The following OCA2 variants were observed in gnomAD, a reference collection of about 807,000 sequenced individuals.
The protein encoded by OCA2 is P protein.
Under a neutral mutation model 100.2 loss-of-function variants are expected in OCA2, and 77 were observed. The observed-to-expected ratio is 0.77, with a 90% CI of 0.64 to 0.93. The LOEUF (loss-of-function observed/expected upper bound fraction) is 0.93, where lower values mean the gene tolerates loss of function less well. Among genes scored for constraint, OCA2 ranks in the 40% least tolerant of loss-of-function variants. The pLI, the probability that OCA2 is intolerant of heterozygous loss-of-function variation, is 0.00. For missense variants in OCA2, 1,062 were observed against 1,089.1 expected (o/e 0.98, Z 0.35); for synonymous variants, 432 against 439.2 (o/e 0.98, Z 0.21).
chr15:27,914,459 A>C (rs539006702), intron 19 of OCA2, among the ~76,000 whole-genome samples: 1 of 152,312 alleles, frequency 6.6e-6, no homozygotes, highest in African/African-American at 2.4e-5. Flanking sequence ...ATACCTAGAA[A>C]ACCCCATAGT....
In OCA2 at chr15:27,935,395, A is replaced by G. The variant is rs192544701; in HGVS notation, c.1952-9141T>C. On this transcript the variant is annotated intron_variant, in intron 18 of 23. Coordinates refer to ENST00000354638, the MANE Select transcript of OCA2 (RefSeq NM_000275.3). The stretch of plus-strand genomic sequence containing the variant: ...GTGTCTCCAACAGAGTCAAGTTTCT[A>G]TGCCGAACAAATAGCTAAAGGAGCC... Among the ~76,000 whole-genome samples the G allele has an allele frequency of 1.4e-3, 207 of 152,304 alleles. 1 individual carries two copies. Among genetic ancestry groups the G allele is most frequent in the African/African-American group, 4.8e-3 (199 of 41,548 alleles).
At chr15:27,969,201 T>G (rs932308864) in intron 14 of OCA2, among the ~76,000 whole-genome samples, 20 of 151,602 alleles carry the variant, frequency 1.3e-4, no homozygotes, top group Middle Eastern at 3.4e-3. Flanking sequence ...GTTGGGGCAA[T>G]TGGAGAAAAA....
At chr15:27,738,562 C>G in the OCA2 span, among the ~76,000 whole-genome samples, 1 of 152,070 alleles carries the variant, frequency 6.6e-6, no homozygotes, top group Non-Finnish European at 1.5e-5. Flanking sequence ...GGTGAAACCC[C>G]GTCTCTACTA....
At chr15:27,781,660 T>C (rs985065040) in intron 23 of OCA2, among the ~76,000 whole-genome samples, 1 of 152,246 alleles carries the variant, frequency 6.6e-6, no homozygotes, top group Non-Finnish European at 1.5e-5. Context: ...TTTATTAAAA[T>C]CATTTTACTG....
At chr15:28,071,188 A>AAAAG (rs1555389499) in intron 2 of OCA2, among the ~76,000 whole-genome samples, 23 of 149,096 alleles carry the variant, frequency 1.5e-4, no homozygotes, top group African/African-American at 5.0e-4. Context: ...AAAAAAAAGA[A>AAAAG]AAACACCTAG....
In OCA2 at chr15:27,957,688, T is replaced by C. The variant is rs757332596; in HGVS notation, c.1684A>G (p.Ser562Gly). The change falls in exon 16 of 24, where the codon AGC becomes GGC. Residue 562 changes from serine to glycine, a missense_variant. By Grantham distance (56) the Ser-to-Gly change is moderately conservative (BLOSUM62 0). Transcript: ENST00000354638. The surrounding 1 kb of genome is among the most constrained non-coding windows in gnomAD (Gnocchi z 4.3). ...GCTGTCTCCTCGCGGCTGGCCGGGC[T>C]GATGCGCTGAGCAGTCAGGCGCCAG... ...HVWRLTAQRISPASREETAVR... is the reference protein window; with the variant it reads ...HVWRLTAQRIGPASREETAVR... The C allele has an allele frequency of 1.2e-6, 2 of 1,612,976 alleles. No homozygotes were observed. The highest frequency in any genetic ancestry group is 1.3e-5 in the African/African-American group (1 of 74,932).
At chr15:27,760,166 T>C (rs545377697) in intron 23 of OCA2, among the ~76,000 whole-genome samples, 1 of 152,042 alleles carries the variant, frequency 6.6e-6, no homozygotes, top group Non-Finnish European at 1.5e-5. Context: ...ATCCAAGAGA[T>C]TGTCACAAGG....
the OCA2 span, among the ~76,000 whole-genome samples, chr15:27,747,265 A>G: frequency 6.6e-6 from 1 of 152,332 alleles, no homozygotes. Context: ...TGACATGGGA[A>G]GAACTGTGAT....
At chr15:27,988,381 G>A (rs1275165543) in intron 11 of OCA2, among the ~76,000 whole-genome samples, 2 of 152,052 alleles carry the variant, frequency 1.3e-5, no homozygotes, top group African/African-American at 4.8e-5. Context: ...ACTGTATTTG[G>A]AGTGAGGGCG....
At chr15:27,868,496 G>A (rs937829080) in intron 21 of OCA2, among the ~76,000 whole-genome samples, 6 of 152,112 alleles carry the variant, frequency 3.9e-5, no homozygotes, top group Admixed American at 1.3e-4. Flanking sequence ...TGATTCCATC[G>A]TGTGTGGAAT....
chr15:27,993,676 C>A (rs945734659), intron 9 of OCA2, among the ~76,000 whole-genome samples: 1 of 152,158 alleles, frequency 6.6e-6, no homozygotes, highest in Admixed American at 6.5e-5. Flanking sequence ...CACCTTTCTC[C>A]CCTCCCTCGT....
chr15:28,079,086 G>C (rs2044529224), intron 2 of OCA2, among the ~76,000 whole-genome samples: 1 of 152,176 alleles, frequency 6.6e-6, no homozygotes, highest in African/African-American at 2.4e-5. Flanking sequence ...GGCCAGTACA[G>C]TCCCCCAAAT....
the OCA2 span, among the ~76,000 whole-genome samples, chr15:27,740,927 C>G: frequency 6.6e-6 from 1 of 152,204 alleles, no homozygotes; most frequent in East Asian, 1.9e-4. Flanking sequence ...CCTAACTCCC[C>G]GAGGAGCAGA....
At chr15:27,925,112 G>T (rs1418932003) in intron 19 of OCA2, among the ~76,000 whole-genome samples, 1 of 152,122 alleles carries the variant, frequency 6.6e-6, no homozygotes, top group African/African-American at 2.4e-5. Flanking sequence ...ATACTTGAAA[G>T]GAAAAATACC....
At chr15:27,885,498 T>C (rs1316634736) in intron 19 of OCA2, among the ~76,000 whole-genome samples, 1 of 152,214 alleles carries the variant, frequency 6.6e-6, no homozygotes, top group Admixed American at 6.5e-5. Flanking sequence ...CTAACACTGC[T>C]GAGAAATAAC....
chr15:27,905,007 T>C (rs1342104274), intron 19 of OCA2, among the ~76,000 whole-genome samples: 2 of 152,010 alleles, frequency 1.3e-5, no homozygotes, highest in South Asian at 2.1e-4. Flanking sequence ...CTACTAAAAA[T>C]ACAAAAATTA....
chr15:27,884,364 G>T (rs1212712585), intron 19 of OCA2, among the ~76,000 whole-genome samples: 2 of 152,162 alleles, frequency 1.3e-5, no homozygotes, highest in Non-Finnish European at 2.9e-5. Context: ...GACAGGGTGA[G>T]ACCCTGTTTC....
intron 23 of OCA2, among the ~76,000 whole-genome samples, chr15:27,794,191 C>A (rs933280510): frequency 6.6e-6 from 1 of 152,166 alleles, no homozygotes; most frequent in African/African-American, 2.4e-5. Flanking sequence ...AACTCAGCGC[C>A]CCTCATCTTT....
chr15:27,741,186 C>T, the OCA2 span, among the ~76,000 whole-genome samples: 1 of 152,210 alleles, frequency 6.6e-6, no homozygotes, highest in African/African-American at 2.4e-5. Flanking sequence ...ACTTCACCAA[C>T]TGGACACTTC....
Sources: allele counts gnomAD v4.1 joint callset (sites outside exome capture counted in the v4.1 genomes callset), GRCh38; gene constraint gnomAD v4.1.1; non-coding constraint Gnocchi (gnomAD v3.1); transcripts MANE v1.5; gene names NCBI Gene and HGNC (gene_info 2026-07-23, HGNC 2026-07-21).